Variants in C1GALT1 observed in about 807,000 individuals in gnomAD.
C1GALT1 encodes core 1 synthase, glycoprotein-N-acetylgalactosamine 3-beta-galactosyltransferase 1.
A neutral mutation model predicts 31.0 loss-of-function variants in C1GALT1; 11 were observed. The ratio of observed to expected loss-of-function variants is 0.36; its 90% CI spans 0.22 to 0.59. C1GALT1 has a LOEUF of 0.59. C1GALT1 is among the 20% of genes least tolerant of loss of function. C1GALT1 has a pLI of 0.79. For synonymous variants in C1GALT1, 175 were observed against 143.6 expected (o/e 1.22, Z -1.56); for missense variants, 424 against 425.2 (o/e 1.00, Z 0.03).
At chr7:7,223,516 C>G (rs1002517940) in intron 1 of C1GALT1, among the ~76,000 whole-genome samples, 2 of 152,208 alleles carry the variant, frequency 1.3e-5, no homozygotes, top group East Asian at 1.9e-4. Context: ...TTTTGCCAAG[C>G]CTTTCATTGT....
intron 1 of C1GALT1, among the ~76,000 whole-genome samples, chr7:7,220,988 C>T (rs968673571): frequency 7.2e-5 from 9 of 124,180 alleles, no homozygotes; most frequent in Non-Finnish European, 1.0e-4. Context: ...TTTTGTTCCT[C>T]TCTCTGAAAG....
intron 2 of C1GALT1, among the ~76,000 whole-genome samples, chr7:7,162,079 C>T (rs13239180): frequency 0.39 from 56,283 of 144,772 alleles, 11,307 homozygotes; most frequent in East Asian, 0.57. Context: ...TTTTTTTTTT[C>T]TTTTTTTTTA....
intron 1 of C1GALT1, among the ~76,000 whole-genome samples, chr7:7,217,256 GC>G (rs1782287517): frequency 6.6e-6 from 1 of 152,084 alleles, no homozygotes; most frequent in Admixed American, 6.5e-5. Flanking sequence ...AGTTGAATAG[GC>G]CAGAAAGAAG....
chr7:7,189,173 T>C (rs78148085), intron 1 of C1GALT1, among the ~76,000 whole-genome samples: 5,191 of 152,276 alleles, frequency 0.034, 195 homozygotes, highest in African/African-American at 0.095. Context: ...TATTCTATGC[T>C]ATGGCTCTAT....
intron 1 of C1GALT1, among the ~76,000 whole-genome samples, chr7:7,224,857 TAGTGTATTTAAGTGTATTA>T (rs1449330953): frequency 2.7e-4 from 41 of 152,188 alleles, no homozygotes; most frequent in East Asian, 9.6e-4. Context: ...TATTTAAGCA[TAGTGTATTTAAGTGTATTA>T]AGTGTATTTA....
intron 1 of C1GALT1, among the ~76,000 whole-genome samples, chr7:7,214,240 A>G (rs1187011119): frequency 2.0e-5 from 3 of 152,324 alleles, no homozygotes; most frequent in Middle Eastern, 6.8e-3. Context: ...CTGGGATTTC[A>G]TGAGGAAAAA....
intron 1 of C1GALT1, among the ~76,000 whole-genome samples, chr7:7,233,552 C>A (rs935499523): frequency 1.3e-5 from 2 of 152,222 alleles, no homozygotes; most frequent in African/African-American, 2.4e-5. Context: ...GGATTACAGG[C>A]ATGAGCCACT....
chr7:7,196,332 C>T (rs751378251), intron 1 of C1GALT1, among the ~76,000 whole-genome samples: 12 of 151,552 alleles, frequency 7.9e-5, no homozygotes, highest in Admixed American at 2.0e-4. Context: ...TCTGTCCTTG[C>T]GATGGTTTGC....
intron 1 of C1GALT1, among the ~76,000 whole-genome samples, chr7:7,205,124 C>G (rs1288416241): frequency 2.0e-5 from 3 of 151,972 alleles, no homozygotes; most frequent in African/African-American, 7.2e-5. Context: ...AGTCTCCCAA[C>G]TGTTATCATA....
intron 2 of C1GALT1, among the ~76,000 whole-genome samples, chr7:7,158,449 C>T (rs997880432): frequency 3.9e-5 from 6 of 151,936 alleles, no homozygotes; most frequent in African/African-American, 1.2e-4. Context: ...GCACGTGGCC[C>T]GAGTCAGCTG....
intron 1 of C1GALT1, among the ~76,000 whole-genome samples, chr7:7,204,906 A>G (rs776778410): frequency 6.6e-6 from 1 of 151,936 alleles, no homozygotes; most frequent in Non-Finnish European, 1.5e-5. Flanking sequence ...TTTGTATGCT[A>G]TCTGTCTTTT....
At chr7:7,176,973 T>C (rs1780511605) in intron 2 of C1GALT1, among the ~76,000 whole-genome samples, 1 of 152,172 alleles carries the variant, frequency 6.6e-6, no homozygotes, top group African/African-American at 2.4e-5. Flanking sequence ...TAATTTAACA[T>C]AGGAAATGAG....
At chr7:7,220,447 C>T (rs1444375749) in intron 1 of C1GALT1, among the ~76,000 whole-genome samples, 2 of 152,232 alleles carry the variant, frequency 1.3e-5, no homozygotes, top group Admixed American at 6.5e-5. Context: ...ACATCAGTGT[C>T]CTACTGGTGC....
intron 1 of C1GALT1, chr7:7,183,633 G>C: frequency 1.0e-6 from 1 of 979,778 alleles, no homozygotes; most frequent in South Asian, 4.7e-5. Flanking sequence ...ATAATTTAGC[G>C]CTGTGGATTT....
intron 1 of C1GALT1, among the ~76,000 whole-genome samples, chr7:7,229,888 A>G (rs1782984779): frequency 6.6e-6 from 1 of 152,158 alleles, no homozygotes; most frequent in Admixed American, 6.5e-5. Flanking sequence ...GAGTGGGGCT[A>G]TGTACTCATC....
chr7:7,221,530 A>G (rs1255996652), intron 1 of C1GALT1, among the ~76,000 whole-genome samples: 1 of 152,190 alleles, frequency 6.6e-6, no homozygotes, highest in African/African-American at 2.4e-5. Context: ...CTGGTGATTG[A>G]TAACTGGTGT....
chr7:7,182,649 C>T lies in C1GALT1; in HGVS notation c.-189C>T, dbSNP rs916385019. The T allele has an allele frequency of 4.3e-5, 13 of 303,664 alleles. No individual in the cohort carries two copies. The highest frequency in any genetic ancestry group is 1.9e-5 in the Non-Finnish European group (4 of 206,742). 18.8% of individuals were successfully genotyped at this position (303,664 alleles called of 1,614,324 possible). The stretch of plus-strand genomic sequence containing the variant: ...GAGCGCGCGCTGGGCCCGCCTTGGC[C>T]GCCGCCGCTGTGCTGCCGCTGCCGG... On this transcript the variant is annotated 5_prime_UTR_variant, in exon 1 of 4. Coordinates refer to ENST00000436587, the MANE Select transcript of C1GALT1 (RefSeq NM_020156.5).
intron 1 of C1GALT1, among the ~76,000 whole-genome samples, chr7:7,187,384 G>C (rs1293317395): frequency 1.3e-5 from 2 of 152,024 alleles, no homozygotes; most frequent in African/African-American, 4.8e-5. Context: ...CCAGTAGCTG[G>C]GACTACAGGC....
intron 1 of C1GALT1, among the ~76,000 whole-genome samples, chr7:7,196,864 T>C (rs941818539): frequency 6.6e-6 from 1 of 152,228 alleles, no homozygotes; most frequent in Non-Finnish European, 1.5e-5. Context: ...AATGTCTTCT[T>C]TTGAGAAGTA....
Sources: gnomAD v4.1 joint callset for allele counts (sites outside exome capture counted in the v4.1 genomes callset) on GRCh38, gnomAD v4.1.1 for gene constraint, MANE v1.5 for transcripts, NCBI Gene and HGNC (gene_info 2026-07-23, HGNC 2026-07-21) for gene names.